DNM3: variants seen among roughly 807,000 people sequenced by gnomAD.
The protein encoded by DNM3 is dynamin 3.
In DNM3, 47 loss-of-function variants were observed where a neutral mutation model predicts 101.6. That is an observed-to-expected ratio of 0.46 (90% CI 0.37 to 0.59). DNM3 has a LOEUF of 0.59. Among genes scored for constraint, DNM3 ranks in the 20% least tolerant of loss-of-function variants. The pLI, the probability that DNM3 is intolerant of heterozygous loss-of-function variation, is 0.00. For synonymous variants in DNM3, 385 were observed against 387.9 expected (o/e 0.99, Z 0.09); for missense variants, 849 against 1,085.7 (o/e 0.78, Z 3.06).
At chr1:171,968,324 C>T (rs1304569727) in intron 2 of DNM3, among the ~76,000 whole-genome samples, 1 of 152,070 alleles carries the variant, frequency 6.6e-6, no homozygotes, top group Non-Finnish European at 1.5e-5. Context: ...GCTTAAAGAT[C>T]TTAACTGGCT....
intron 14 of DNM3, among the ~76,000 whole-genome samples, chr1:172,246,458 G>A (rs2061958295): frequency 6.6e-6 from 1 of 152,108 alleles, no homozygotes; most frequent in South Asian, 2.1e-4. Flanking sequence ...GCTGGAAAAT[G>A]AGACCTATAA....
chr1:172,109,462 C>G (rs2055299245), intron 13 of DNM3, among the ~76,000 whole-genome samples: 1 of 152,198 alleles, frequency 6.6e-6, no homozygotes, highest in Non-Finnish European at 1.5e-5. Flanking sequence ...CTTCACTCAT[C>G]CTGTGCACAT....
At chr1:172,228,687 GA>G (rs906092232) in intron 14 of DNM3, among the ~76,000 whole-genome samples, 12 of 152,108 alleles carry the variant, frequency 7.9e-5, no homozygotes, top group Admixed American at 3.3e-4. Context: ...GGAGAATTTA[GA>G]ACTTTAAATA....
At chr1:172,255,770 G>A (rs575647129) in intron 15 of DNM3, among the ~76,000 whole-genome samples, 2 of 152,252 alleles carry the variant, frequency 1.3e-5, no homozygotes, top group African/African-American at 4.8e-5. Context: ...CCAGTGCAAT[G>A]TTGACCACAA....
At chr1:172,012,319 A>G (rs2047183588) in intron 4 of DNM3, among the ~76,000 whole-genome samples, 1 of 152,064 alleles carries the variant, frequency 6.6e-6, no homozygotes, top group Admixed American at 6.6e-5. Flanking sequence ...GTGGGAAGTT[A>G]TATGGACCAA....
intron 13 of DNM3, among the ~76,000 whole-genome samples, chr1:172,114,239 C>A (rs1484938015): frequency 1.3e-5 from 2 of 152,130 alleles, no homozygotes; most frequent in Non-Finnish European, 2.9e-5. Context: ...CGTGGCTAAC[C>A]ATGCAAAGGT....
intron 15 of DNM3, among the ~76,000 whole-genome samples, chr1:172,302,460 G>A (rs181444873): frequency 2.6e-4 from 39 of 152,370 alleles, no homozygotes; most frequent in Non-Finnish European, 4.4e-4. Context: ...TCAACAAAAG[G>A]CAGCAGAAAC....
Position 172,220,822 on chromosome 1 carries a change from A to G in DNM3, c.1660-32751A>G, listed in dbSNP as rs1398925874. On this transcript the variant is annotated intron_variant, in intron 14 of 20. Coordinates refer to ENST00000627582, the MANE Select transcript of DNM3 (RefSeq NM_015569.5). ...CCCGTTGAGATTCCATTAATTGATA[A>G]CGATGATGAGTACTTCTTTATTTGT... Among the ~76,000 whole-genome samples the G allele has an allele frequency of 2.0e-5, 3 of 152,292 alleles. No homozygotes were observed. The East Asian group carries it at 5.8e-4, about 29-fold the overall frequency.
At chr1:172,394,870 G>A (rs1182348150) in intron 20 of DNM3, among the ~76,000 whole-genome samples, 1 of 152,054 alleles carries the variant, frequency 6.6e-6, no homozygotes, top group African/African-American at 2.4e-5. Flanking sequence ...CAAAGAAAGG[G>A]GGGTTTAAAA....
intron 17 of DNM3, among the ~76,000 whole-genome samples, chr1:172,332,938 A>C (rs181798825): frequency 1.3e-5 from 2 of 152,332 alleles, no homozygotes; most frequent in East Asian, 3.9e-4. Context: ...GTTTGCAGAC[A>C]GAGATTTAGA....
At chr1:171,880,402 G>A (rs1385032801) in intron 1 of DNM3, among the ~76,000 whole-genome samples, 1 of 152,172 alleles carries the variant, frequency 6.6e-6, no homozygotes, top group Non-Finnish European at 1.5e-5. Flanking sequence ...CTTCTGTTTA[G>A]AACTTAGCCA....
chr1:172,004,916 C>G (rs1172042712), intron 4 of DNM3, among the ~76,000 whole-genome samples: 2 of 152,062 alleles, frequency 1.3e-5, no homozygotes, highest in Non-Finnish European at 2.9e-5. Flanking sequence ...GAGGAGGAAG[C>G]AGGCAGCATG....
chr1:172,387,386 G>C (rs1370359189), intron 19 of DNM3, 27 bp downstream of exon 19: 1 of 1,576,226 alleles, frequency 6.3e-7, no homozygotes, highest in South Asian at 1.1e-5. Context: ...GGCCGGGTGC[G>C]GTGGCTCGCT....
chr1:172,098,973 A>G (rs1413929093), intron 13 of DNM3, among the ~76,000 whole-genome samples: 1 of 152,210 alleles, frequency 6.6e-6, no homozygotes, highest in Non-Finnish European at 1.5e-5. Flanking sequence ...GATAGCACGA[A>G]TTCTCTTGGC....
intron 15 of DNM3, among the ~76,000 whole-genome samples, chr1:172,296,856 A>G (rs1228418248): frequency 1.3e-5 from 2 of 152,188 alleles, no homozygotes; most frequent in Admixed American, 6.5e-5. Context: ...TAAACATAGC[A>G]TCTTGGCCGG....
At chr1:171,945,478 A>G (rs2042114064) in intron 2 of DNM3, among the ~76,000 whole-genome samples, 1 of 152,188 alleles carries the variant, frequency 6.6e-6, no homozygotes, top group African/African-American at 2.4e-5. Context: ...TATTGAAGTC[A>G]ACTTCTTAAA....
At chr1:171,917,572 G>A (rs1216782886) in intron 1 of DNM3, among the ~76,000 whole-genome samples, 1 of 152,082 alleles carries the variant, frequency 6.6e-6, no homozygotes, top group Non-Finnish European at 1.5e-5. Flanking sequence ...GAGAAGAAAG[G>A]CATTTGATTT....
chr1:172,032,342 A>G (rs927523455), intron 4 of DNM3, 60 bp from the exon 5 acceptor site: 3 of 1,167,368 alleles, frequency 2.6e-6, no homozygotes. Context: ...TGTGACATAT[A>G]TGTCTAAAAT....
At chr1:172,089,192 T>G (rs2053739696) in intron 12 of DNM3, among the ~76,000 whole-genome samples, 1 of 152,248 alleles carries the variant, frequency 6.6e-6, no homozygotes, top group Non-Finnish European at 1.5e-5. Flanking sequence ...GATTTTATTT[T>G]TTATTTGTTA....
Sources: gnomAD v4.1 joint callset for allele counts (sites outside exome capture counted in the v4.1 genomes callset) on GRCh38, gnomAD v4.1.1 for gene constraint, MANE v1.5 for transcripts, NCBI Gene and HGNC (gene_info 2026-07-23, HGNC 2026-07-21) for gene names.